The following GALNT17 variants were observed in gnomAD, a reference collection of about 807,000 sequenced individuals.
GALNT17 encodes the protein UDP-GalNAc:polypeptide N-acetylgalactosaminyltransferase-like 3.
Under a neutral mutation model 63.7 loss-of-function variants are expected in GALNT17, and 29 were observed. The ratio of observed to expected loss-of-function variants is 0.46; its 90% CI spans 0.34 to 0.62. GALNT17 has a LOEUF of 0.62. Ranked by LOEUF, GALNT17 falls within the 20% of genes least tolerant of loss-of-function variation. The pLI is 0.01. For missense variants in GALNT17, 603 were observed against 799.6 expected (o/e 0.75, Z 2.97); for synonymous variants, 305 against 318.3 (o/e 0.96, Z 0.45).
rs186410852 is a variant in GALNT17, at chr7:71,273,218, A to G, written c.239-62332A>G. Among the ~76,000 whole-genome samples the G allele has an allele frequency of 1.1e-4, 17 of 152,276 alleles. No homozygotes were observed. In the East Asian group the frequency reaches 3.3e-3, roughly 29 times the overall value. Reference sequence around the variant, plus strand: ...TCTTTGGGCTAAGGCAACCCCTTGTAATCACTCACCTCATTTCCCTGATAC... The same window carrying G: ...TCTTTGGGCTAAGGCAACCCCTTGTGATCACTCACCTCATTTCCCTGATAC... On this transcript the variant is annotated intron_variant, in intron 1 of 10. Coordinates refer to ENST00000333538, the MANE Select transcript of GALNT17 (RefSeq NM_022479.3).
chr7:71,549,404 CA>C (rs1789038035), intron 5 of GALNT17, among the ~76,000 whole-genome samples: 2 of 152,178 alleles, frequency 1.3e-5, no homozygotes, highest in South Asian at 4.2e-4. Context: ...TCTGTCTCTA[CA>C]AAAAGTACAT....
At chr7:71,296,691 C>T (rs1791086064) in intron 1 of GALNT17, among the ~76,000 whole-genome samples, 1 of 147,182 alleles carries the variant, frequency 6.8e-6, no homozygotes, top group South Asian at 2.2e-4. Flanking sequence ...ATAAATTTGG[C>T]CTTAAGAACC....
intron 2 of GALNT17, among the ~76,000 whole-genome samples, chr7:71,362,160 G>A (rs1448534134): frequency 1.3e-5 from 2 of 152,110 alleles, no homozygotes; most frequent in African/African-American, 4.8e-5. Context: ...GTTTCTCCAT[G>A]TTGGCCAGGC....
Position 71,265,098 on chromosome 7 carries a change from T to TTTTATATATATATATA in GALNT17, c.239-70451_239-70450insTTATATATATATATAT, listed in dbSNP as rs144493671. On this transcript the variant is annotated intron_variant, in intron 1 of 10. Coordinates refer to ENST00000333538, the MANE Select transcript of GALNT17 (RefSeq NM_022479.3). ...AAATACCACACGTAACCCATAAATA[T>TTTTATATATATATATA]TATATATATATATATATATATTTTT... Among the ~76,000 whole-genome samples the TTTTATATATATATATA allele has an allele frequency of 6.5e-3, 510 of 78,144 alleles. 66 individuals are homozygous for TTTTATATATATATATA. Among genetic ancestry groups the TTTTATATATATATATA allele is most frequent in the Non-Finnish European group, 7.6e-3 (291 of 38,078 alleles). 51.3% of individuals were successfully genotyped at this position (78,144 alleles called of 152,430 possible).
Position 71,670,880 on chromosome 7 carries a change from C to CTGTGTGTG in GALNT17, c.1404+786_1404+793dup, listed in dbSNP as rs142043206. Among the ~76,000 whole-genome samples the CTGTGTGTG allele has an allele frequency of 3.8e-3, 318 of 84,584 alleles. 1 individual carries two copies. The highest frequency in any genetic ancestry group is 6.8e-3 in the African/African-American group (263 of 38,560). The allele number at this position is 84,584 out of a possible 152,430, so 55.5% of individuals were successfully genotyped here. On this transcript the variant is annotated intron_variant, in intron 8 of 10. Transcript: ENST00000333538. Reference sequence around the variant, plus strand: ...ACACTTTGATGTGTGGGCCTCCGGACTGTGTGTGTGTGTGTGTGTGTGCGT... The same window carrying CTGTGTGTG: ...ACACTTTGATGTGTGGGCCTCCGGACTGTGTGTGTGTGTGTGTGTGTGTGTGTGTGCGT...
At chr7:71,437,553 C>T (rs911217789) in intron 5 of GALNT17, among the ~76,000 whole-genome samples, 1 of 152,170 alleles carries the variant, frequency 6.6e-6, no homozygotes, top group Non-Finnish European at 1.5e-5. Context: ...TCTGCGTGGC[C>T]GTCCACAGCT....
At chr7:71,169,440 G>A (rs1344404393) in intron 1 of GALNT17, among the ~76,000 whole-genome samples, 1 of 152,164 alleles carries the variant, frequency 6.6e-6, no homozygotes, top group Non-Finnish European at 1.5e-5. Flanking sequence ...TATTTTGTCT[G>A]TTACTTCAGT....
At chr7:71,491,663 C>T (rs1788011344) in intron 5 of GALNT17, among the ~76,000 whole-genome samples, 1 of 152,146 alleles carries the variant, frequency 6.6e-6, no homozygotes, top group East Asian at 1.9e-4. Context: ...ACCAGCTGTT[C>T]TCAAACTTAA....
chr7:71,545,716 G>T (rs1287452877), intron 5 of GALNT17, among the ~76,000 whole-genome samples: 1 of 152,080 alleles, frequency 6.6e-6, no homozygotes, highest in Non-Finnish European at 1.5e-5. Flanking sequence ...ATTATGTCAA[G>T]TTCTTGAGAG....
At chr7:71,216,390 G>A (rs919422770) in intron 1 of GALNT17, among the ~76,000 whole-genome samples, 10 of 152,094 alleles carry the variant, frequency 6.6e-5, no homozygotes, top group Non-Finnish European at 1.5e-4. Context: ...AAGTAGCTCT[G>A]GGGGAACGCC....
rs1562709165 is a variant in GALNT17 at position 71,609,658 on chromosome 7, T to TTTATCCACCCCCTC, written c.1080+38256_1080+38257insTTATCCACCCCCTC. ...ATGGAGAATAGGATATCCACCCCCT[T>TTTATCCACCCCCTC]GAGCATTTATCCTTTGAATTACAGA... On this transcript the variant is annotated intron_variant, in intron 6 of 10. Coordinates refer to ENST00000333538, the MANE Select transcript of GALNT17 (RefSeq NM_022479.3). 2.0e-5 allele frequency among the ~76,000 whole-genome samples: 3 copies of TTTATCCACCCCCTC among 152,264 alleles called. No homozygotes were observed. In the East Asian group the frequency reaches 5.8e-4, roughly 29 times the overall value.
At chr7:71,671,018 A>C (rs1263647893) in intron 8 of GALNT17, among the ~76,000 whole-genome samples, 1 of 152,138 alleles carries the variant, frequency 6.6e-6, no homozygotes, top group Non-Finnish European at 1.5e-5. Flanking sequence ...ACTCAATAAT[A>C]TGGAGGATAT....
intron 2 of GALNT17, among the ~76,000 whole-genome samples, chr7:71,362,824 A>G (rs886184812): frequency 2.0e-5 from 3 of 152,086 alleles, no homozygotes; most frequent in African/African-American, 7.2e-5. Context: ...TCAAAGGGCG[A>G]CTCAGGTCTT....
At chr7:71,549,878 C>T (rs1434636342) in intron 5 of GALNT17, among the ~76,000 whole-genome samples, 1 of 151,802 alleles carries the variant, frequency 6.6e-6, no homozygotes, top group African/African-American at 2.4e-5. Flanking sequence ...TCCGTAAAAG[C>T]ATCCAGAGAA....
chr7:71,202,960 AG>A (rs1789201824), intron 1 of GALNT17, among the ~76,000 whole-genome samples: 1 of 152,138 alleles, frequency 6.6e-6, no homozygotes, highest in Non-Finnish European at 1.5e-5. Context: ...TTCTTTATAA[AG>A]GCTGAATAGT....
intron 5 of GALNT17, among the ~76,000 whole-genome samples, chr7:71,490,854 C>T (rs1226178392): frequency 2.0e-5 from 3 of 151,998 alleles, no homozygotes; most frequent in Non-Finnish European, 4.4e-5. Flanking sequence ...GAGCTATGAT[C>T]GCACCACTGC....
chr7:71,457,199 G>T (rs934871923), intron 5 of GALNT17, among the ~76,000 whole-genome samples: 1 of 152,196 alleles, frequency 6.6e-6, no homozygotes, highest in Non-Finnish European at 1.5e-5. Context: ...ACCCTCTGAC[G>T]GAAAAGATCT....
intron 6 of GALNT17, among the ~76,000 whole-genome samples, chr7:71,598,890 G>C (rs1411560431): frequency 1.3e-5 from 2 of 152,014 alleles, no homozygotes; most frequent in African/African-American, 2.4e-5. Flanking sequence ...GGGTGGTGGG[G>C]GTGGTGTCGG....
chr7:71,553,807 A>G (rs534683933), intron 5 of GALNT17, among the ~76,000 whole-genome samples: 10 of 152,274 alleles, frequency 6.6e-5, no homozygotes, highest in Non-Finnish European at 1.3e-4. Flanking sequence ...TTTCAGGACA[A>G]TTGCTCCATT....
Sources: allele counts gnomAD v4.1 joint callset (sites outside exome capture counted in the v4.1 genomes callset), GRCh38; gene constraint gnomAD v4.1.1; transcripts MANE v1.5; gene names NCBI Gene and HGNC (gene_info 2026-07-23, HGNC 2026-07-21).